The following PEX7 variants were observed in gnomAD, a reference collection of about 807,000 sequenced individuals.
PEX7 encodes PTS2 receptor.
A neutral mutation model predicts 47.5 loss-of-function variants in PEX7; 34 were observed. That is an observed-to-expected ratio of 0.72 (90% CI 0.54 to 0.95). The LOEUF is 0.95. PEX7 is among the 40% of genes least tolerant of loss of function. The probability of loss-of-function intolerance (pLI) is 0.00; values close to 1 mark genes in which losing one functional copy is unlikely to be tolerated. For synonymous variants in PEX7, 141 were observed against 148.8 expected (o/e 0.95, Z 0.38); for missense variants, 394 against 400.3 (o/e 0.98, Z 0.13).
intron 3 of PEX7, among the ~76,000 whole-genome samples, chr6:136,837,122 A>G (rs1446270629): frequency 6.6e-6 from 1 of 152,144 alleles, no homozygotes; most frequent in African/African-American, 2.4e-5. Flanking sequence ...GCACTTTGGG[A>G]GGCTGAGGTG....
intron 9 of PEX7, among the ~76,000 whole-genome samples, chr6:136,904,979 T>C (rs951060411): frequency 6.6e-6 from 1 of 152,186 alleles, no homozygotes; most frequent in African/African-American, 2.4e-5. Context: ...TTAAAAAACT[T>C]CATTTGGGCT....
At chr6:136,882,190 T>C (rs930886796) in intron 8 of PEX7, among the ~76,000 whole-genome samples, 3 of 146,700 alleles carry the variant, frequency 2.0e-5, no homozygotes, top group African/African-American at 7.6e-5. Flanking sequence ...TTTTTTTTTT[T>C]TTTTTTTGAG....
intron 5 of PEX7, among the ~76,000 whole-genome samples, chr6:136,861,277 A>T (rs539978029): frequency 1.2e-4 from 18 of 151,942 alleles, no homozygotes; most frequent in African/African-American, 3.9e-4. Context: ...TAGAGACAGG[A>T]TTTCACGGTT....
At chr6:136,873,171 G>A (rs1775211434) in intron 8 of PEX7, among the ~76,000 whole-genome samples, 1 of 152,208 alleles carries the variant, frequency 6.6e-6, no homozygotes. Flanking sequence ...TATTCAGAAA[G>A]GTTTCCAGGA....
At chr6:136,885,187 A>G (rs34010687) in intron 8 of PEX7, among the ~76,000 whole-genome samples, 14,942 of 152,282 alleles carry the variant, frequency 0.098, 836 homozygotes, top group Admixed American at 0.14. Flanking sequence ...GAAGAGCAGC[A>G]TTCCGTGTCT....
chr6:136,891,305 G>T (rs769324624), intron 8 of PEX7, among the ~76,000 whole-genome samples: 5 of 152,174 alleles, frequency 3.3e-5, no homozygotes, highest in Non-Finnish European at 7.3e-5. Context: ...AGTTTTCGAT[G>T]AAATATTGTG....
intron 3 of PEX7, among the ~76,000 whole-genome samples, chr6:136,827,654 A>G (rs1774220149): frequency 6.6e-6 from 1 of 151,708 alleles, no homozygotes; most frequent in Admixed American, 6.6e-5. Context: ...TGTCTTAGCC[A>G]CCCGAGTAGC....
At chr6:136,875,799 T>C (rs1410097325) in intron 8 of PEX7, among the ~76,000 whole-genome samples, 1 of 152,202 alleles carries the variant, frequency 6.6e-6, no homozygotes, top group African/African-American at 2.4e-5. Context: ...TCTCCCTGCA[T>C]CTTTTGTAGT....
chr6:136,836,052 T>G lies in PEX7; in HGVS notation c.340-9563T>G, dbSNP rs367586105. Among the ~76,000 whole-genome samples, 55 of 152,326 alleles carry G rather than the reference T, an allele frequency of 3.6e-4. No homozygotes were observed. In the East Asian group the frequency reaches 0.01, roughly 28 times the overall value. ...CTCTGAAGTGAGTTAGTGAGTGAAT[T>G]GTAGATAGAAATTAAAATCCCCATC... On this transcript the variant is annotated intron_variant, in intron 3 of 9. Coordinates refer to ENST00000318471, the MANE Select transcript of PEX7 (RefSeq NM_000288.4).
intron 3 of PEX7, among the ~76,000 whole-genome samples, chr6:136,841,811 C>T (rs1039004099): frequency 1.3e-5 from 2 of 151,744 alleles, no homozygotes; most frequent in Admixed American, 6.6e-5. Context: ...GTCTCGAACT[C>T]GTGGCCTCAA....
rs749192451 is a variant in PEX7 at position 136,826,373 on chromosome 6, T to C, written c.243T>C (p.His81=). Residue 81 remains histidine (H), a synonymous_variant, in exon 3 of 10, where the codon CAT becomes CAC. Transcript: ENST00000318471. ...TGACTTGGAGTGAGAACAACGAACA[T>C]GTCCTCATCACCTGTAGTGGCGATG... is the stretch of plus-strand genomic sequence containing the variant. The part of the protein sequence containing the change: ...FDVTWSENNE[H]VLITCSGDGS... 5.6e-6 allele frequency: 9 copies of C among 1,613,936 alleles called. No individual in the cohort carries two copies. Among genetic ancestry groups the C allele is most frequent in the African/African-American group, 2.7e-5 (2 of 74,876 alleles).
intron 1 of PEX7, 176 bp downstream of exon 1, chr6:136,822,971 G>A (rs777642362): frequency 3.0e-6 from 3 of 985,484 alleles, no homozygotes; most frequent in Non-Finnish European, 2.4e-6. Context: ...CCGAGTGCGA[G>A]GAGTTGGTCT....
At chr6:136,847,644 C>T (rs1378884482) in intron 5 of PEX7, among the ~76,000 whole-genome samples, 1 of 151,910 alleles carries the variant, frequency 6.6e-6, no homozygotes, top group East Asian at 1.9e-4. Context: ...TGTCAAAGAT[C>T]AGATAGTTGT....
At chr6:136,865,379 A>G (rs1180410498) in intron 5 of PEX7, among the ~76,000 whole-genome samples, 1 of 152,088 alleles carries the variant, frequency 6.6e-6, no homozygotes. Flanking sequence ...GCTCACTGCA[A>G]CCTCTGCCTC....
intron 8 of PEX7, among the ~76,000 whole-genome samples, chr6:136,877,711 C>T (rs1775300885): frequency 6.6e-6 from 1 of 152,178 alleles, no homozygotes; most frequent in African/African-American, 2.4e-5. Flanking sequence ...GTTTTGATTG[C>T]TGTAGCCTTG....
rs548740681 is a variant in PEX7 at position 136,829,917 on chromosome 6, A to G, written c.339+3448A>G. The G allele has an allele frequency of 2.1e-4, 145 of 681,538 alleles. No individual in the cohort carries two copies. In the African/African-American group the frequency reaches 2.4e-3, roughly 11 times the overall value. The allele number at this position is 681,538 out of a possible 1,614,324, so 42.2% of individuals were successfully genotyped here. ...GTGCCATTGCACTCCAGCCTGGACA[A>G]CAGAGTGAGACCCTGTCTTAAAAGA... is the stretch of plus-strand genomic sequence containing the variant. On this transcript the variant is annotated intron_variant, in intron 3 of 9. Transcript: ENST00000318471.
At chr6:136,898,670 C>T (rs935109033) in intron 9 of PEX7, among the ~76,000 whole-genome samples, 9 of 152,154 alleles carry the variant, frequency 5.9e-5, no homozygotes, top group African/African-American at 2.2e-4. Flanking sequence ...CTTCACACCA[C>T]GTGTCGAATG....
chr6:136,862,694 G>A (rs775932310), intron 5 of PEX7, among the ~76,000 whole-genome samples: 7 of 152,166 alleles, frequency 4.6e-5, no homozygotes, highest in Non-Finnish European at 1.5e-5. Flanking sequence ...TTTATAAGTT[G>A]TAAATGCTAC....
chr6:136,827,505 TGTGTGTGTGTG>T (rs1774216287), intron 3 of PEX7, among the ~76,000 whole-genome samples: 1 of 1,330 alleles, frequency 7.5e-4, no homozygotes, highest in African/African-American at 1.2e-3. Context: ...TGTGTGAATT[TGTGTGTGTGTG>T]TGTGTGTGTG....
Sources: gnomAD v4.1 joint callset for allele counts (sites outside exome capture counted in the v4.1 genomes callset) on GRCh38, gnomAD v4.1.1 for gene constraint, MANE v1.5 for transcripts, NCBI Gene and HGNC (gene_info 2026-07-23, HGNC 2026-07-21) for gene names.